Variants in TACR2 observed in about 807,000 individuals in gnomAD.
TACR2 encodes substance-K receptor.
TACR2 carries 24 observed loss-of-function variants against 28.9 expected under a neutral mutation model. The ratio of observed to expected loss-of-function variants is 0.83; its 90% CI spans 0.60 to 1.17. The LOEUF is 1.17. TACR2 is among the 50% of genes most tolerant of loss of function. TACR2 has a pLI of 0.00. For synonymous variants in TACR2, 222 were observed against 212.6 expected, an observed-to-expected ratio of 1.04 and a Z score of -0.38; for missense variants, 487 against 524.4, an observed-to-expected ratio of 0.93 and a Z score of 0.70.
Position 69,404,801 on chromosome 10 carries a change from ACC to A in TACR2, c.*23_*24del. The A allele has an allele frequency of 7.5e-7, 1 of 1,332,656 alleles. No homozygotes were observed. Among genetic ancestry groups the A allele is most frequent in the Non-Finnish European group, 1.0e-6 (1 of 975,274 alleles). 82.6% of individuals were successfully genotyped at this position (1,332,656 alleles called of 1,614,324 possible). On this transcript the variant is annotated 3_prime_UTR_variant, in exon 5 of 5. Coordinates refer to ENST00000373306, the MANE Select transcript of TACR2 (RefSeq NM_001057.3). The stretch of plus-strand genomic sequence containing the variant: ...ACCCAAACACCTCCCACTAACCCCT[ACC>A]TCCCAACACTGCCACATTGGGATCA...
At chr10:69,410,405 C>T (rs955214858) in intron 2 of TACR2, among the ~76,000 whole-genome samples, 1 of 151,724 alleles carries the variant, frequency 6.6e-6, no homozygotes, top group Non-Finnish European at 1.5e-5. Flanking sequence ...CCTGTAATTC[C>T]AGCTACTCAG....
At position 69,416,110 on chromosome 10, in the gene TACR2, T is replaced by C; in HGVS notation, c.214A>G (p.Ile72Val). 1.2e-6 allele frequency: 2 copies of C among 1,614,164 alleles called. No individual in the cohort carries two copies. The highest frequency in any genetic ancestry group is 1.7e-6 in the Non-Finnish European group (2 of 1,180,034). The change falls in exon 1 of 5, where the codon ATC becomes GTC. Residue 72 changes from isoleucine to valine, a missense_variant. By Grantham distance (29) the Ile-to-Val change is conservative (BLOSUM62 3). Coordinates refer to ENST00000373306, the MANE Select transcript of TACR2 (RefSeq NM_001057.3). ...RRMRTVTNYFIVNLALADLCM... is the reference protein window; with the variant it reads ...RRMRTVTNYFVVNLALADLCM... ...AGGTCAGCCAGCGCCAGATTGACGA[T>C]GAAGTAGTTGGTGACTGTGCGCATC...
In TACR2 at chr10:69,415,148, A is replaced by G. The variant is rs762402134; in HGVS notation, c.393-9T>C. The G allele has an allele frequency of 1.9e-6, 3 of 1,605,552 alleles. No individual in the cohort carries two copies. The highest frequency in any genetic ancestry group is 8.5e-7 in the Non-Finnish European group (1 of 1,175,074). On this transcript the variant is annotated splice_polypyrimidine_tract_variant and intron_variant, in intron 1 of 4. Coordinates refer to ENST00000373306, the MANE Select transcript of TACR2 (RefSeq NM_001057.3). The stretch of plus-strand genomic sequence containing the variant: ...GGACGATGGCCATGTACCTGTGAGC[A>G]GAGGGCAGCTTGAGCGGCAGGGGCC...
At chr10:69,415,602 T>G (rs1432241086) in intron 1 of TACR2, among the ~76,000 whole-genome samples, 3 of 150,712 alleles carry the variant, frequency 2.0e-5, no homozygotes, top group African/African-American at 7.3e-5. Flanking sequence ...ATCTTTGGAG[T>G]GAAATAAAGA....
intron 2 of TACR2, among the ~76,000 whole-genome samples, chr10:69,409,898 TATATAC>T (rs1368289453): frequency 0.046 from 615 of 13,476 alleles, 17 homozygotes; most frequent in African/African-American, 0.14. Flanking sequence ...TACATATATA[TATATAC>T]ATATATATAT....
chr10:69,404,975 T>C lies in TACR2; in HGVS notation c.1048A>G (p.Arg350Gly). The C allele has an allele frequency of 1.9e-6, 3 of 1,614,204 alleles. No individual in the cohort carries two copies. The highest frequency in any genetic ancestry group is 2.5e-6 in the Non-Finnish European group (3 of 1,180,028). The change falls in exon 5 of 5, where the codon AGG becomes GGG. Residue 350 changes from arginine (R) to glycine (G), a missense_variant. Physicochemically the swap from Arg to Gly is moderately radical, Grantham distance 125. Coordinates refer to ENST00000373306, the MANE Select transcript of TACR2 (RefSeq NM_001057.3). The stretch of plus-strand genomic sequence containing the variant: ...AACAAAGTCTCCTTAGTGTGACACC[T>C]GTTGACTCTCGTGGAGAGGGAGGTC... ...PTTSLSTRVN[R>G]CHTKETLFMA...
At chr10:69,415,828 G>C (rs1284366343) in intron 1 of TACR2, 104 bp downstream of exon 1, 1 of 1,380,114 alleles carries the variant, frequency 7.2e-7, no homozygotes, top group South Asian at 1.4e-5. Flanking sequence ...CCATTCCCAT[G>C]GTTCTACCCA....
Position 69,416,152 on chromosome 10 carries a change from T to C in TACR2, c.172A>G (p.Ile58Val). 6.2e-7 allele frequency: 1 copy of C among 1,614,226 alleles called. No individual in the cohort carries two copies. The highest frequency in any genetic ancestry group is 8.5e-7 in the Non-Finnish European group (1 of 1,180,036). ...VTGNAIVIWI[I>V]LAHRRMRTVT... ...GTGCGCATCCTCCGATGGGCCAGGA[T>C]GATCCAGATGACGATGGCATTACCC... Residue 58 changes from isoleucine to valine, a missense_variant, in exon 1 of 5, where the codon ATC (isoleucine) becomes GTC (valine). Transcript: ENST00000373306.
At chr10:69,405,655 C>T (rs142974144) in intron 4 of TACR2, among the ~76,000 whole-genome samples, 3 of 152,298 alleles carry the variant, frequency 2.0e-5, no homozygotes, top group East Asian at 1.9e-4. Context: ...AGAAATCAGA[C>T]GGCAGAAAGG....
At chr10:69,411,297 C>T (rs1161012386) in intron 2 of TACR2, among the ~76,000 whole-genome samples, 1 of 152,202 alleles carries the variant, frequency 6.6e-6, no homozygotes, top group East Asian at 1.9e-4. Flanking sequence ...GAAATCAGAC[C>T]TAACCAACTC....
rs1840481694 is a variant in TACR2 at position 69,404,211 on chromosome 10, C to T, written c.*615G>A. Reference sequence around the variant, plus strand: ...TATCAGCTTACACTGTCTTTTCTGACCCTTACTGGATCCTCTGAAGTGCTC... The same window carrying T: ...TATCAGCTTACACTGTCTTTTCTGATCCTTACTGGATCCTCTGAAGTGCTC... On this transcript the variant is annotated 3_prime_UTR_variant, in exon 5 of 5. Transcript: ENST00000373306. 1 of 152,204 alleles carries T rather than the reference C, an allele frequency of 6.6e-6. No individual in the cohort carries two copies. Among genetic ancestry groups the T allele is most frequent in the South Asian group, 2.1e-4 (1 of 4,834 alleles). 9.4% of individuals were successfully genotyped at this position (152,204 alleles called of 1,614,324 possible).
intron 2 of TACR2, among the ~76,000 whole-genome samples, chr10:69,411,277 G>A (rs933524872): frequency 6.6e-6 from 1 of 152,146 alleles, no homozygotes; most frequent in Non-Finnish European, 1.5e-5. Flanking sequence ...AGGAAATTAC[G>A]ACAGTGAAAG....
chr10:69,414,795 C>T, intron 2 of TACR2, 150 bp downstream of exon 2: 2 of 786,084 alleles, frequency 2.5e-6, no homozygotes, highest in Non-Finnish European at 1.9e-6. Context: ...TAGGTATATT[C>T]ACACAATCCC....
chr10:69,407,355 G>T, intron 3 of TACR2, 75 bp from the exon 4 acceptor site: 1 of 1,440,870 alleles, frequency 6.9e-7, no homozygotes, highest in Non-Finnish European at 9.4e-7. Flanking sequence ...AGACACAGAG[G>T]ACCCCTTGCA....
intron 2 of TACR2, among the ~76,000 whole-genome samples, chr10:69,409,854 TATATGTATATG>T (rs1840545457): frequency 8.8e-6 from 1 of 113,166 alleles, no homozygotes; most frequent in African/African-American, 3.6e-5. Flanking sequence ...TACGTATATG[TATATGTATATG>T]TATATATATA....
intron 2 of TACR2, among the ~76,000 whole-genome samples, chr10:69,410,171 C>T (rs1840557773): frequency 6.6e-6 from 1 of 151,754 alleles, no homozygotes; most frequent in Non-Finnish European, 1.5e-5. Flanking sequence ...TGGCTTCCTA[C>T]CCCGTCCCCA....
Position 69,413,820 on chromosome 10 carries a change from T to C in TACR2, c.587+1125A>G, listed in dbSNP as rs914923473. On this transcript the variant is annotated intron_variant, in intron 2 of 4. Coordinates refer to ENST00000373306, the MANE Select transcript of TACR2 (RefSeq NM_001057.3). ...GAAGGATCTGCCACCCCCAGGTGTG[T>C]TTTCATGTGTCCCCTATTTAAGCTG... Among the ~76,000 whole-genome samples the C allele has an allele frequency of 3.3e-5, 5 of 152,248 alleles. No individual in the cohort carries two copies. In the East Asian group the frequency reaches 7.7e-4, roughly 24 times the overall value.
chr10:69,415,893 T>A (rs769591331), intron 1 of TACR2, 39 bp downstream of exon 1: 1 of 1,599,900 alleles, frequency 6.3e-7, no homozygotes, highest in South Asian at 1.1e-5. Context: ...CCCGGCTCAG[T>A]GGGGAGGCTC....
Position 69,415,107 on chromosome 10 carries a change from C to T in TACR2, c.425G>A (p.Arg142Gln), listed in dbSNP as rs199608050. ...CGCCTTGGTGCTGGGAGCTGAAAGC[C>T]GAGGCTGGAAGGGGTGGACGATGGC... ...YMAIVHPFQP[R>Q]LSAPSTKAVI... Residue 142 changes from arginine (R) to glutamine (Q), a missense_variant, in exon 2 of 5, where the codon CGG (arginine) becomes CAG (glutamine). By Grantham distance (43) the Arg-to-Gln change is conservative. Transcript: ENST00000373306. 27 of 1,612,572 alleles carry T rather than the reference C, an allele frequency of 1.7e-5. No homozygotes were observed. The highest frequency in any genetic ancestry group is 2.2e-5 in the East Asian group (1 of 44,900).
Sources: gnomAD v4.1 joint callset for allele counts (sites outside exome capture counted in the v4.1 genomes callset) on GRCh38, gnomAD v4.1.1 for gene constraint, MANE v1.5 for transcripts, NCBI Gene and HGNC (gene_info 2026-07-23, HGNC 2026-07-21) for gene names.